SPC25: variants seen among roughly 807,000 people sequenced by gnomAD.
SPC25 encodes the protein kinetochore protein Spc25.
In SPC25, 22 loss-of-function variants were observed where a neutral mutation model predicts 29.6. The ratio of observed to expected loss-of-function variants is 0.74; its 90% CI spans 0.53 to 1.06. The LOEUF (loss-of-function observed/expected upper bound fraction) is 1.06, where lower values mean the gene tolerates loss of function less well. SPC25 is among the 50% of genes least tolerant of loss of function. The probability of loss-of-function intolerance (pLI) is 0.00; values close to 1 mark genes in which losing one functional copy is unlikely to be tolerated. For missense variants in SPC25, 230 were observed against 255.8 expected (o/e 0.90, Z 0.69); for synonymous variants, 91 against 90.4 (o/e 1.01, Z -0.04).
intron 3 of SPC25, among the ~76,000 whole-genome samples, chr2:168,887,684 CTG>C (rs1690294313): frequency 6.6e-6 from 1 of 152,074 alleles, no homozygotes; most frequent in African/African-American, 2.4e-5. Flanking sequence ...TGTTTGTGTC[CTG>C]TGTGTAAGAA....
intron 3 of SPC25, among the ~76,000 whole-genome samples, chr2:168,877,659 C>A (rs1023927537): frequency 6.6e-6 from 1 of 152,096 alleles, no homozygotes; most frequent in African/African-American, 2.4e-5. Flanking sequence ...AGATCATGAC[C>A]CTTGCAGCTC....
intron 5 of SPC25, among the ~76,000 whole-genome samples, chr2:168,874,278 GA>G (rs1376986416): frequency 6.6e-6 from 1 of 152,164 alleles, no homozygotes; most frequent in Admixed American, 6.6e-5. Context: ...ATTGCTGGTA[GA>G]AATGTAAAAT....
rs752073168 is a variant in SPC25, at chr2:168,873,559, A to T, written c.550+26T>A. ...ACATTTTGGAACGCCAATCTTAAAT[A>T]CCAGTTAGGAGATATTAGTACATAC... On this transcript the variant is annotated intron_variant, in intron 6 of 6. Transcript: ENST00000282074. The T allele has an allele frequency of 3.3e-6, 5 of 1,496,966 alleles. No homozygotes were observed. The South Asian group carries it at 5.7e-5, about 17-fold the overall frequency. The allele number at this position is 1,496,966 out of a possible 1,614,324, so 92.7% of individuals were successfully genotyped here. A position where few individuals can be genotyped will look rare whatever the true frequency, so the allele number is the denominator to read the frequency against.
intron 3 of SPC25, among the ~76,000 whole-genome samples, chr2:168,880,659 G>A (rs1298162850): frequency 6.6e-6 from 1 of 152,176 alleles, no homozygotes; most frequent in Non-Finnish European, 1.5e-5. Flanking sequence ...TTCCCACTAA[G>A]CTTAATCATT....
At chr2:168,862,910 T>C (rs1369074658) in intron 4 of SPC25, among the ~76,000 whole-genome samples, 3 of 152,182 alleles carry the variant, frequency 2.0e-5, no homozygotes, top group African/African-American at 7.2e-5. Flanking sequence ...AAAATCAAGA[T>C]ACATTTTGTA....
In SPC25 at chr2:168,889,368, A is replaced by C; in HGVS notation, c.133+19T>G. The stretch of plus-strand genomic sequence containing the variant: ...ACTAGAACAGCAAAACCAGCATGTT[A>C]CAAGTTAACACTAGGTACCTGCAAA... On this transcript the variant is annotated intron_variant, in intron 2 of 6. Transcript: ENST00000282074. 5 of 1,614,002 alleles carry C rather than the reference A, an allele frequency of 3.1e-6. No individual in the cohort carries two copies. Among genetic ancestry groups the C allele is most frequent in the Non-Finnish European group, 4.2e-6 (5 of 1,179,936 alleles).
chr2:168,869,390 T>C (rs1689934852), downstream of SPC25, among the ~76,000 whole-genome samples: 1 of 152,166 alleles, frequency 6.6e-6, no homozygotes, highest in African/African-American at 2.4e-5. Flanking sequence ...TAAAGGGCAT[T>C]CAATTAGGAA....
At chr2:168,874,741 C>T (rs1690057227) in intron 5 of SPC25, among the ~76,000 whole-genome samples, 1 of 152,132 alleles carries the variant, frequency 6.6e-6, no homozygotes, top group Non-Finnish European at 1.5e-5. Context: ...TAATGAGCTT[C>T]CTGGTAGACA....
chr2:168,863,150 TTA>T (rs1455013887), intron 4 of SPC25, among the ~76,000 whole-genome samples: 1 of 152,196 alleles, frequency 6.6e-6, no homozygotes, highest in African/African-American at 2.4e-5. Flanking sequence ...TACTTATACT[TTA>T]TATTCTAAGC....
At chr2:168,887,421 C>CAAAAAAAAAAAAAAAAAAAAAAAA (rs5836211) in intron 3 of SPC25, among the ~76,000 whole-genome samples, 44 of 131,398 alleles carry the variant, frequency 3.3e-4, no homozygotes, top group African/African-American at 1.2e-3. Flanking sequence ...GACTCCATCT[C>CAAAAAAAAAAAAAAAAAAAAAAAA]AAAAAAAAAA....
At chr2:168,879,535 T>C (rs576338) in intron 3 of SPC25, among the ~76,000 whole-genome samples, 133,339 of 152,270 alleles carry the variant, frequency 0.88, 58,591 homozygotes, top group African/African-American at 0.96. Flanking sequence ...TTGTGATTTC[T>C]ACCACATCTG....
At chr2:168,890,274 G>A (rs1690371988) in intron 1 of SPC25, 44 bp downstream of exon 1, 4 of 938,862 alleles carry the variant, frequency 4.3e-6, no homozygotes, top group South Asian at 9.8e-5. Flanking sequence ...CCCTTATTGC[G>A]ACAGGGGGGC....
At chr2:168,869,606 A>G (rs540418191), downstream of SPC25, among the ~76,000 whole-genome samples, 97 of 152,340 alleles carry the variant, frequency 6.4e-4, no homozygotes, top group South Asian at 1.2e-3. Flanking sequence ...TCCCATTCAC[A>G]ATTGCTTCAA....
downstream of SPC25, among the ~76,000 whole-genome samples, chr2:168,867,141 T>C (rs1386195625): frequency 2.0e-5 from 3 of 152,066 alleles, no homozygotes; most frequent in East Asian, 5.8e-4. Flanking sequence ...ACCCAAAGGA[T>C]TATAAATCAT....
downstream of SPC25, among the ~76,000 whole-genome samples, chr2:168,868,299 A>T (rs1371656717): frequency 6.6e-5 from 10 of 152,374 alleles, no homozygotes; most frequent in East Asian, 1.9e-3. Context: ...AAAGAACTAG[A>T]AAAGCAAGAG....
chr2:168,864,990 T>C, intron 4 of SPC25: 2 of 1,613,012 alleles, frequency 1.2e-6, no homozygotes, highest in South Asian at 1.1e-5. Context: ...CTGAACATAC[T>C]ACCTTCACAC....
intron 3 of SPC25, among the ~76,000 whole-genome samples, chr2:168,885,496 G>A (rs56071183): frequency 0.013 from 2,035 of 152,282 alleles, 28 homozygotes; most frequent in Middle Eastern, 0.02. Flanking sequence ...AAATCCTGTA[G>A]CAACTCTTTA....
At chr2:168,872,239 A>T (rs1690006153) in intron 6 of SPC25, among the ~76,000 whole-genome samples, 1 of 152,208 alleles carries the variant, frequency 6.6e-6, no homozygotes, top group South Asian at 2.1e-4. Context: ...AAGTGCTGGG[A>T]TTACAGGCGT....
chr2:168,886,274 T>G (rs10194071), intron 3 of SPC25, among the ~76,000 whole-genome samples: 2,989 of 152,208 alleles, frequency 0.02, 100 homozygotes, highest in African/African-American at 0.068. Flanking sequence ...CAGGCTGGTC[T>G]TGAACTCCTG....
Sources: gnomAD v4.1 joint callset for allele counts (sites outside exome capture counted in the v4.1 genomes callset) on GRCh38, gnomAD v4.1.1 for gene constraint, MANE v1.5 for transcripts, NCBI Gene and HGNC (gene_info 2026-07-23, HGNC 2026-07-21) for gene names.